Variants in PTPN3 observed in about 807,000 individuals in gnomAD.
PTPN3 encodes the protein protein tyrosine phosphatase non-receptor type 3, also known as tyrosine-protein phosphatase non-receptor type 3.
In PTPN3, 96 loss-of-function variants were observed where a neutral mutation model predicts 132.7. The observed-to-expected ratio is 0.72, with a 90% confidence interval of 0.61 to 0.86. PTPN3 has a LOEUF of 0.86. Ranked by LOEUF, PTPN3 falls within the 40% of genes least tolerant of loss-of-function variation. The pLI, the probability that PTPN3 is intolerant of heterozygous loss-of-function variation, is 0.00. For missense variants in PTPN3, 1,125 were observed against 1,159.6 expected, an observed-to-expected ratio of 0.97 and a Z score of 0.43; for synonymous variants, 398 against 429.0, an observed-to-expected ratio of 0.93 and a Z score of 0.89.
intron 19 of PTPN3, among the ~76,000 whole-genome samples, chr9:109,399,729 C>A (rs1564392479): frequency 6.6e-6 from 1 of 151,704 alleles, no homozygotes; most frequent in Non-Finnish European, 1.5e-5. Flanking sequence ...ATTAAGGCTA[C>A]CCCAGGGCAG....
Position 109,379,290 on chromosome 9 carries a change from A to G in PTPN3, c.*266T>C, listed in dbSNP as rs1838824847. On this transcript the variant is annotated 3_prime_UTR_variant, in exon 26 of 26. Transcript: ENST00000374541. The stretch of plus-strand genomic sequence containing the variant: ...GTGTGTGTGGTGATGTTAGGGAAGA[A>G]GGCATTAGGACAGGCCCCAAACTGA... The G allele has an allele frequency of 1.9e-5, 8 of 421,810 alleles. 1 individual carries two copies. The highest frequency in any genetic ancestry group is 7.9e-5 in the Admixed American group (2 of 25,442). 26.1% of individuals were successfully genotyped at this position (421,810 alleles called of 1,614,324 possible).
the PTPN3 span, among the ~76,000 whole-genome samples, chr9:109,503,347 T>G: frequency 4.6e-5 from 7 of 152,110 alleles, no homozygotes; most frequent in South Asian, 1.5e-3. Flanking sequence ...CTAAGGCTCC[T>G]GGACTCGATG....
intron 19 of PTPN3, among the ~76,000 whole-genome samples, chr9:109,401,847 C>A (rs1176790042): frequency 6.6e-6 from 1 of 152,170 alleles, no homozygotes; most frequent in African/African-American, 2.4e-5. Context: ...CCTAATCACC[C>A]CTTTATTAAT....
At chr9:109,530,728 A>AT in the PTPN3 span, among the ~76,000 whole-genome samples, 1 of 152,032 alleles carries the variant, frequency 6.6e-6, no homozygotes, top group African/African-American at 2.4e-5. Context: ...AACATATGTC[A>AT]TTTTCTGGGT....
Position 109,438,167 on chromosome 9 carries a change from G to A in PTPN3, c.534C>T (p.Pro178=), listed in dbSNP as rs770220726. The change falls in exon 8 of 26, where the codon CCC becomes CCT. Residue 178 remains proline (P), a synonymous_variant. Coordinates refer to ENST00000374541, the MANE Select transcript of PTPN3 (RefSeq NM_002829.4). ...PGYLSDSHFI[P]DQNEDFLTKV... ...TTGTTAAAAAGTCCTCATTTTGATC[G>A]GGTATAAAGTGACTATCGGAAAGAT... The A allele has an allele frequency of 8.7e-6, 14 of 1,613,628 alleles. No homozygotes were observed. Among genetic ancestry groups the A allele is most frequent in the Middle Eastern group, 1.6e-4 (1 of 6,084 alleles).
intron 2 of PTPN3, among the ~76,000 whole-genome samples, chr9:109,463,043 C>T (rs1438740923): frequency 6.6e-6 from 1 of 150,916 alleles, no homozygotes; most frequent in Non-Finnish European, 1.5e-5. Context: ...TGGATGAGGA[C>T]TTCCCAGAAG....
At chr9:109,469,267 CAAA>C (rs2132066350) in intron 1 of PTPN3, among the ~76,000 whole-genome samples, 1 of 152,312 alleles carries the variant, frequency 6.6e-6, no homozygotes, top group African/African-American at 2.4e-5. Flanking sequence ...ACCATAGACA[CAAA>C]GAAGGGAGAG....
intron 1 of PTPN3, among the ~76,000 whole-genome samples, chr9:109,475,381 T>C (rs538527608): frequency 1.3e-5 from 2 of 152,340 alleles, no homozygotes; most frequent in East Asian, 3.8e-4. Context: ...TGGAAAAAAC[T>C]GAAATGGCCC....
chr9:109,408,796 A>AAAATATAT (rs1377996219), intron 16 of PTPN3, among the ~76,000 whole-genome samples: 3 of 108,372 alleles, frequency 2.8e-5, no homozygotes, highest in African/African-American at 1.1e-4. Flanking sequence ...AAAAAAAAAA[A>AAAATATAT]ATATATATAT....
chr9:109,409,119 C>G (rs967936591), intron 16 of PTPN3, among the ~76,000 whole-genome samples: 1 of 152,070 alleles, frequency 6.6e-6, no homozygotes, highest in African/African-American at 2.4e-5. Context: ...AACTGCTCAA[C>G]TCTGCAGTCA....
chr9:109,523,270 A>G, the PTPN3 span, among the ~76,000 whole-genome samples: 5 of 151,976 alleles, frequency 3.3e-5, no homozygotes, highest in Non-Finnish European at 5.9e-5. Flanking sequence ...ACGTGCCACC[A>G]TGCCCGGCTT....
intron 6 of PTPN3, among the ~76,000 whole-genome samples, chr9:109,448,355 C>T (rs932669592): frequency 6.6e-6 from 1 of 152,158 alleles, no homozygotes; most frequent in Admixed American, 6.5e-5. Context: ...ATTTCCTCTC[C>T]CTTCTAGCTA....
At chr9:109,456,614 C>G (rs564570882) in intron 4 of PTPN3, among the ~76,000 whole-genome samples, 3 of 152,258 alleles carry the variant, frequency 2.0e-5, no homozygotes, top group South Asian at 2.1e-4. Context: ...GTTGGAACAT[C>G]AGGCCGAGAG....
intron 1 of PTPN3, among the ~76,000 whole-genome samples, chr9:109,480,895 AATGGATGGATGG>A (rs199785673): frequency 3.3e-5 from 5 of 151,694 alleles, no homozygotes; most frequent in Non-Finnish European, 5.9e-5. Flanking sequence ...CTGTGGGATG[AATGGATGGATGG>A]ATGGATGGAT....
At chr9:109,432,504 T>C (rs1843734666) in intron 10 of PTPN3, among the ~76,000 whole-genome samples, 1 of 152,160 alleles carries the variant, frequency 6.6e-6, no homozygotes, top group Non-Finnish European at 1.5e-5. Context: ...GTGTTTCCCC[T>C]AAGAAAGCTC....
intron 1 of PTPN3, among the ~76,000 whole-genome samples, chr9:109,469,806 C>A (rs1846282731): frequency 6.6e-6 from 1 of 152,148 alleles, no homozygotes; most frequent in Non-Finnish European, 1.5e-5. Flanking sequence ...CAGTAATCAA[C>A]CTACATCAAG....
the PTPN3 span, among the ~76,000 whole-genome samples, chr9:109,509,244 A>G: frequency 2.0e-5 from 3 of 152,284 alleles, no homozygotes; most frequent in South Asian, 2.1e-4. Flanking sequence ...TTTCATTGCA[A>G]TCTAGAATTG....
chr9:109,425,239 C>G (rs1843161023), intron 12 of PTPN3, among the ~76,000 whole-genome samples: 1 of 152,182 alleles, frequency 6.6e-6, no homozygotes, highest in African/African-American at 2.4e-5. Flanking sequence ...CAGAAATTAG[C>G]TACTTATTCA....
chr9:109,535,300 G>T, the PTPN3 span, among the ~76,000 whole-genome samples: 38 of 152,210 alleles, frequency 2.5e-4, 1 homozygote, highest in Admixed American at 2.5e-3. Flanking sequence ...TCGTTTCCAT[G>T]GGTCCAGGAA....
Sources: gnomAD v4.1 joint callset for allele counts (sites outside exome capture counted in the v4.1 genomes callset) on GRCh38, gnomAD v4.1.1 for gene constraint, MANE v1.5 for transcripts, NCBI Gene and HGNC (gene_info 2026-07-23, HGNC 2026-07-21) for gene names.